Variants in ADCY1 observed in about 807,000 individuals in gnomAD.
ADCY1 encodes adenylate cyclase 1.
In ADCY1, 28 loss-of-function variants were observed where a neutral mutation model predicts 105.4. The ratio of observed to expected loss-of-function variants is 0.27; its 90% CI spans 0.20 to 0.36. The LOEUF is 0.36. Ranked by LOEUF, ADCY1 falls within the 10% of genes least tolerant of loss-of-function variation. The pLI is 1.00. For synonymous variants in ADCY1, 655 were observed against 623.8 expected (o/e 1.05, Z -0.75); for missense variants, 977 against 1,434.2 (o/e 0.68, Z 5.15).
At chr7:45,595,641 A>G (rs1233034351) in intron 2 of ADCY1, among the ~76,000 whole-genome samples, 1 of 152,174 alleles carries the variant, frequency 6.6e-6, no homozygotes, top group Non-Finnish European at 1.5e-5. Context: ...ACGTTTCCCC[A>G]GGTCTGTTCC....
At chr7:45,625,339 A>C (rs765691367) in intron 4 of ADCY1, among the ~76,000 whole-genome samples, 2 of 152,166 alleles carry the variant, frequency 1.3e-5, no homozygotes, top group Non-Finnish European at 2.9e-5. Flanking sequence ...ACATACTTTT[A>C]TCAAGAAGAA....
chr7:45,635,067 A>G (rs2115993157), intron 4 of ADCY1, among the ~76,000 whole-genome samples: 1 of 151,242 alleles, frequency 6.6e-6, no homozygotes, highest in South Asian at 2.1e-4. Context: ...ATCCATCTGG[A>G]CCTGATATTT....
intron 8 of ADCY1, among the ~76,000 whole-genome samples, chr7:45,673,591 T>TAAACATCATATAAGTAAATG (rs1784401174): frequency 1.3e-5 from 2 of 152,170 alleles, no homozygotes; most frequent in Non-Finnish European, 2.9e-5. Flanking sequence ...CATTAACCTT[T>TAAACATCATATAAGTAAATG]TGATGCCTGC....
chr7:45,680,978 G>C (rs1784543880), intron 11 of ADCY1, among the ~76,000 whole-genome samples: 1 of 152,232 alleles, frequency 6.6e-6, no homozygotes. Context: ...TCTTGCGAGT[G>C]GATGTACACT....
intron 8 of ADCY1, chr7:45,664,763 T>G (rs1315248096): frequency 5.3e-6 from 1 of 187,578 alleles, no homozygotes; most frequent in Non-Finnish European, 1.1e-5. Flanking sequence ...AAAAATATGA[T>G]TTTTTGGTCC....
intron 8 of ADCY1, among the ~76,000 whole-genome samples, chr7:45,666,980 A>AT (rs1434872225): frequency 5.3e-5 from 8 of 151,788 alleles, no homozygotes; most frequent in South Asian, 2.1e-4. Context: ...GGGTTGTTTG[A>AT]TTTTTTCTTG....
chr7:45,590,692 A>C (rs1221276301), intron 1 of ADCY1, among the ~76,000 whole-genome samples: 1 of 151,838 alleles, frequency 6.6e-6, no homozygotes, highest in Non-Finnish European at 1.5e-5. Context: ...GGAGATCTTC[A>C]GGGTCATAGT....
At chr7:45,689,055 G>A (rs900331615) in intron 14 of ADCY1, among the ~76,000 whole-genome samples, 87 of 150,696 alleles carry the variant, frequency 5.8e-4, no homozygotes, top group Non-Finnish European at 8.8e-5. Context: ...TAGCCTTGTA[G>A]GTGGGGAAGA....
At chr7:45,638,602 G>A (rs1250675065) in intron 4 of ADCY1, among the ~76,000 whole-genome samples, 1 of 151,934 alleles carries the variant, frequency 6.6e-6, no homozygotes, top group Non-Finnish European at 1.5e-5. Flanking sequence ...GAGCACATAG[G>A]AGGATGTGTG....
At chr7:45,630,165 A>G (rs1312744872) in intron 4 of ADCY1, among the ~76,000 whole-genome samples, 1 of 152,156 alleles carries the variant, frequency 6.6e-6, no homozygotes, top group Non-Finnish European at 1.5e-5. Context: ...TGTATGTTCT[A>G]CATATAAGTC....
chr7:45,722,106 C>T lies in ADCY1; in HGVS notation c.*8111C>T, dbSNP rs1284904523. 3 of 331,972 alleles carry T rather than the reference C, an allele frequency of 9.0e-6. No homozygotes were observed. Among genetic ancestry groups the T allele is most frequent in the South Asian group, 1.6e-4 (1 of 6,398 alleles). 20.6% of individuals were successfully genotyped at this position (331,972 alleles called of 1,614,324 possible). ...AGCAACCCCCCACCCAACTCTGGGC[C>T]CCAGGCACACGAAGCACAAGTCTCA... On this transcript the variant is annotated 3_prime_UTR_variant, in exon 20 of 20. Coordinates refer to ENST00000297323, the MANE Select transcript of ADCY1 (RefSeq NM_021116.4).
intron 2 of ADCY1, among the ~76,000 whole-genome samples, chr7:45,608,056 C>G (rs768319185): frequency 1.3e-5 from 2 of 152,210 alleles, no homozygotes; most frequent in African/African-American, 4.8e-5. Context: ...CGTTTCCCAC[C>G]AGCAGTGTAT....
chr7:45,664,019 TA>T (rs1562714037), intron 8 of ADCY1, among the ~76,000 whole-genome samples: 1 of 151,502 alleles, frequency 6.6e-6, no homozygotes, highest in Non-Finnish European at 1.5e-5. Context: ...AGAGGAAACA[TA>T]GGGGTAAGGG....
chr7:45,590,840 G>A (rs1049548240), intron 1 of ADCY1, among the ~76,000 whole-genome samples: 1 of 152,164 alleles, frequency 6.6e-6, no homozygotes, highest in Non-Finnish European at 1.5e-5. Flanking sequence ...GGGTGGTGCT[G>A]TCCAGCAGGG....
chr7:45,659,474 G>T (rs1477997339), intron 6 of ADCY1, among the ~76,000 whole-genome samples: 1 of 152,216 alleles, frequency 6.6e-6, no homozygotes, highest in Non-Finnish European at 1.5e-5. Context: ...CTGAGACGAT[G>T]CCAACTGTGG....
chr7:45,614,478 A>C (rs1237201227), intron 3 of ADCY1, among the ~76,000 whole-genome samples: 2 of 152,172 alleles, frequency 1.3e-5, no homozygotes, highest in Non-Finnish European at 2.9e-5. Flanking sequence ...AGAGGAAAAC[A>C]CAAATAAAGA....
At chr7:45,677,497 G>A (rs1584325014) in intron 8 of ADCY1, among the ~76,000 whole-genome samples, 1 of 152,200 alleles carries the variant, frequency 6.6e-6, no homozygotes, top group Non-Finnish European at 1.5e-5. Flanking sequence ...GAAGGAGGGG[G>A]TTGGACTCCT....
At position 45,722,140 on chromosome 7, in the gene ADCY1, T is replaced by G; in HGVS notation, c.*8145T>G. 1 of 287,428 alleles carries G rather than the reference T, an allele frequency of 3.5e-6. No homozygotes were observed. Among genetic ancestry groups the G allele is most frequent in the Admixed American group, 5.2e-5 (1 of 19,048 alleles). 17.8% of individuals were successfully genotyped at this position (287,428 alleles called of 1,614,324 possible). On this transcript the variant is annotated 3_prime_UTR_variant, in exon 20 of 20. Transcript: ENST00000297323. ...ACGAAGCACAAGTCTCAGGGGACCA[T>G]TCCCACATTGGGGGATCCTGAGGGA...
At chr7:45,627,291 T>G (rs1254651557) in intron 4 of ADCY1, among the ~76,000 whole-genome samples, 1 of 152,202 alleles carries the variant, frequency 6.6e-6, no homozygotes, top group Non-Finnish European at 1.5e-5. Context: ...TACTCATCCT[T>G]GAAAGCCCCA....
Sources: allele counts gnomAD v4.1 joint callset (sites outside exome capture counted in the v4.1 genomes callset), GRCh38; gene constraint gnomAD v4.1.1; transcripts MANE v1.5; gene names NCBI Gene and HGNC (gene_info 2026-07-23, HGNC 2026-07-21).